N4BP2: variants seen among roughly 807,000 people sequenced by gnomAD.
N4BP2 encodes the protein NEDD4 binding protein 2.
Under a neutral mutation model 152.8 loss-of-function variants are expected in N4BP2, and 91 were observed. The observed-to-expected ratio is 0.60, with a 90% CI of 0.50 to 0.71. The LOEUF (loss-of-function observed/expected upper bound fraction) is 0.71, where lower values mean the gene tolerates loss of function less well. Ranked by LOEUF, N4BP2 falls within the 30% of genes least tolerant of loss-of-function variation. N4BP2 has a pLI of 0.00. For missense variants in N4BP2, 1,923 were observed against 2,059.1 expected (o/e 0.93, Z 1.28); for synonymous variants, 646 against 705.3 (o/e 0.92, Z 1.33).
At chr4:40,163,822 G>A in the N4BP2 span, among the ~76,000 whole-genome samples, 3 of 152,318 alleles carry the variant, frequency 2.0e-5, no homozygotes, top group East Asian at 1.9e-4. Context: ...ACACCTGGAA[G>A]CATCCTAATG....
chr4:40,172,365 C>T, the N4BP2 span, among the ~76,000 whole-genome samples: 2 of 152,176 alleles, frequency 1.3e-5, no homozygotes, highest in African/African-American at 4.8e-5. Flanking sequence ...TGGCAACATC[C>T]TCACAGACAC....
chr4:40,061,294 C>T (rs1021783786), intron 1 of N4BP2, among the ~76,000 whole-genome samples: 3 of 151,992 alleles, frequency 2.0e-5, no homozygotes, highest in Non-Finnish European at 2.9e-5. Context: ...CTCAGCCTCC[C>T]GAGTAGCTGG....
chr4:40,107,422 C>T (rs576795699), intron 5 of N4BP2, among the ~76,000 whole-genome samples: 93 of 151,082 alleles, frequency 6.2e-4, no homozygotes, highest in East Asian at 1.2e-3. Flanking sequence ...TCTCACTTTG[C>T]GCCCAGGCTG....
rs1293912252 is a variant in N4BP2, at chr4:40,152,813, C to T, written c.5177C>T (p.Ser1726Phe). ...FKQNGGKPYL[S>F]VITGRGNHSQ... ...CAGAACGGTGGGAAGCCCTATTTGT[C>T]TGTGATTACGGGGAGAGGAAACCAC... Residue 1726 changes from serine to phenylalanine, a missense_variant, in exon 17 of 18, where the codon TCT becomes TTT. Ser to Phe is a radical substitution (Grantham distance 155). Coordinates refer to ENST00000261435, the MANE Select transcript of N4BP2 (RefSeq NM_018177.6). 1 of 1,613,904 alleles carries T rather than the reference C, an allele frequency of 6.2e-7. No homozygotes were observed. The highest frequency in any genetic ancestry group is 1.7e-5 in the Admixed American group (1 of 59,998).
In N4BP2 at chr4:40,102,922, TC is replaced by T; in HGVS notation, c.1079del (p.Pro360HisfsTer7). ...CATTGCTGTTGCCTCCTCCGCCACC[TC>T]CACCGATGTGGAATCCAATGATTCC... is the stretch of plus-strand genomic sequence containing the variant. ...LPLLLPPPPP[P>X]PMWNPMIPAF... is the part of the protein sequence containing the mutation. On this transcript the variant is annotated frameshift_variant, in exon 4 of 18. Transcript: ENST00000261435. LOFTEE classifies it high-confidence loss of function. 1 of 1,614,146 alleles carries T rather than the reference TC, an allele frequency of 6.2e-7. No individual in the cohort carries two copies. Among genetic ancestry groups the T allele is most frequent in the East Asian group, 2.2e-5 (1 of 44,888 alleles).
intron 11 of N4BP2, among the ~76,000 whole-genome samples, chr4:40,125,470 A>G (rs1309513643): frequency 6.6e-6 from 1 of 152,178 alleles, no homozygotes; most frequent in Non-Finnish European, 1.5e-5. Context: ...TGTAGCTGTT[A>G]TGGTTGCTCA....
At chr4:40,066,183 C>T (rs1455870737) in intron 1 of N4BP2, among the ~76,000 whole-genome samples, 1 of 152,064 alleles carries the variant, frequency 6.6e-6, no homozygotes, top group Non-Finnish European at 1.5e-5. Context: ...CCTGCCTCAG[C>T]CTCCCAGTGT....
the N4BP2 span, among the ~76,000 whole-genome samples, chr4:40,164,851 G>T: frequency 2.0e-5 from 3 of 152,088 alleles, no homozygotes; most frequent in Non-Finnish European, 2.9e-5. Flanking sequence ...TCAGATTATT[G>T]TGGTTTCCCT....
At chr4:40,114,810 T>C (rs1717203345) in intron 7 of N4BP2, among the ~76,000 whole-genome samples, 1 of 152,208 alleles carries the variant, frequency 6.6e-6, no homozygotes, top group Admixed American at 6.5e-5. Context: ...TCTGATGTTT[T>C]CTTTGTGAGA....
At position 40,120,924 on chromosome 4, in the gene N4BP2, T is replaced by C. The variant is rs748215519; in HGVS notation, c.2813T>C (p.Leu938Pro). 1.9e-6 allele frequency: 3 copies of C among 1,614,052 alleles called. No homozygotes were observed. The highest frequency in any genetic ancestry group is 2.5e-6 in the Non-Finnish European group (3 of 1,179,988). The change falls in exon 9 of 18, where the codon CTA becomes CCA. Residue 938 changes from leucine to proline, a missense_variant. Physicochemically the swap from Leu to Pro is moderately conservative, Grantham distance 98. Transcript: ENST00000261435. Reference sequence around the variant, plus strand: ...TGTTGGGGCACAAGCTCTCAAAAACTAAAGACATTGGGTAGCTCCAATCTA... The same window carrying C: ...TGTTGGGGCACAAGCTCTCAAAAACCAAAGACATTGGGTAGCTCCAATCTA... ...EACWGTSSQK[L>P]KTLGSSNLGS...
chr4:40,132,035 G>A, intron 13 of N4BP2, 116 bp downstream of exon 13: 2 of 733,344 alleles, frequency 2.7e-6, no homozygotes. Flanking sequence ...CTCCTAATCT[G>A]TGGGTATTAT....
intron 2 of N4BP2, among the ~76,000 whole-genome samples, chr4:40,089,052 A>T (rs564680540): frequency 2.4e-4 from 37 of 152,024 alleles, no homozygotes; most frequent in Non-Finnish European, 3.2e-4. Context: ...CCAGCTGCAA[A>T]GGATCCTTCC....
the N4BP2 span, chr4:40,167,831 A>G: frequency 6.6e-6 from 1 of 152,226 alleles, no homozygotes; most frequent in Admixed American, 6.5e-5. Context: ...CTTAAGATAA[A>G]TGAGACTCAT....
At chr4:40,187,811 A>G in the N4BP2 span, among the ~76,000 whole-genome samples, 1 of 152,210 alleles carries the variant, frequency 6.6e-6, no homozygotes, top group Non-Finnish European at 1.5e-5. Flanking sequence ...CGTTCACATC[A>G]TCAGCAGAAA....
intron 2 of N4BP2, among the ~76,000 whole-genome samples, chr4:40,079,669 A>T (rs1713156172): frequency 6.6e-6 from 1 of 152,172 alleles, no homozygotes; most frequent in Non-Finnish European, 1.5e-5. Context: ...TAGCTGAGTG[A>T]CATGTGCCCA....
At chr4:40,089,026 C>T (rs1182620767) in intron 2 of N4BP2, among the ~76,000 whole-genome samples, 2 of 152,060 alleles carry the variant, frequency 1.3e-5, no homozygotes, top group East Asian at 3.9e-4. Flanking sequence ...TCATAGCTCA[C>T]TGCAGGCTCA....
At chr4:40,087,042 C>T (rs1578990076) in intron 2 of N4BP2, among the ~76,000 whole-genome samples, 1 of 152,112 alleles carries the variant, frequency 6.6e-6, no homozygotes, top group African/African-American at 2.4e-5. Flanking sequence ...AGCCATCGTG[C>T]CTGGTGTAAT....
intron 12 of N4BP2, among the ~76,000 whole-genome samples, chr4:40,129,580 C>T (rs1023283027): frequency 6.6e-6 from 1 of 151,990 alleles, no homozygotes; most frequent in African/African-American, 2.4e-5. Context: ...TTGGCTTTGT[C>T]CCAAGGATAC....
chr4:40,104,204 G>T (rs917308962), intron 4 of N4BP2, among the ~76,000 whole-genome samples: 1 of 151,342 alleles, frequency 6.6e-6, no homozygotes, highest in South Asian at 2.1e-4. Context: ...CACCCGCCCC[G>T]GCCTCCCAAA....
Sources: gnomAD v4.1 joint callset for allele counts (sites outside exome capture counted in the v4.1 genomes callset) on GRCh38, gnomAD v4.1.1 for gene constraint, MANE v1.5 for transcripts, NCBI Gene and HGNC (gene_info 2026-07-23, HGNC 2026-07-21) for gene names.